ASB3: variants seen among roughly 807,000 people sequenced by gnomAD.
ASB3 encodes the protein ankyrin repeat and SOCS box containing 3.
ASB3 carries 41 observed loss-of-function variants against 54.5 expected under a neutral mutation model. That is an observed-to-expected ratio of 0.75 (90% confidence interval 0.59 to 0.98). The LOEUF (loss-of-function observed/expected upper bound fraction) is 0.98. ASB3 is among the 50% of genes least tolerant of loss of function. The pLI, the probability that ASB3 is intolerant of heterozygous loss-of-function variation, is 0.00. For synonymous variants in ASB3, 266 were observed against 221.2 expected (o/e 1.20, Z -1.80); for missense variants, 733 against 620.0 (o/e 1.18, Z -1.94).
At chr2:53,745,062 C>G (rs1672150812) in intron 3 of ASB3, among the ~76,000 whole-genome samples, 1 of 152,172 alleles carries the variant, frequency 6.6e-6, no homozygotes, top group African/African-American at 2.4e-5. Flanking sequence ...TCCAATTTAG[C>G]AATGTTTTCT....
intron 9 of ASB3, among the ~76,000 whole-genome samples, chr2:53,677,015 C>T (rs572950014): frequency 4.6e-5 from 7 of 152,174 alleles, no homozygotes; most frequent in South Asian, 4.2e-4. Context: ...GTGATCCACC[C>T]GCCTCAGCCT....
intron 9 of ASB3, among the ~76,000 whole-genome samples, chr2:53,680,792 C>G (rs540785981): frequency 6.6e-6 from 1 of 152,234 alleles, no homozygotes. Flanking sequence ...CTTAGACACT[C>G]TATTGTGATA....
At chr2:53,750,307 A>G (rs973837336) in intron 3 of ASB3, among the ~76,000 whole-genome samples, 1 of 152,166 alleles carries the variant, frequency 6.6e-6, no homozygotes, top group Admixed American at 6.5e-5. Flanking sequence ...AGGAATTAAA[A>G]AACAGTCTGT....
Position 53,765,593 on chromosome 2 carries a change from A to G in ASB3, c.-13-8T>C. On this transcript the variant is annotated splice_polypyrimidine_tract_variant and splice_region_variant and intron_variant, in intron 1 of 9. Coordinates refer to ENST00000263634, the MANE Select transcript of ASB3 (RefSeq NM_016115.5). Reference sequence around the variant, plus strand: ...TCCATTTGTTTGACCAGTCTACAAAACAAGGTAGAAGGATAATACTATAGT... The same window carrying G: ...TCCATTTGTTTGACCAGTCTACAAAGCAAGGTAGAAGGATAATACTATAGT... 2 of 1,614,174 alleles carry G rather than the reference A, an allele frequency of 1.2e-6. No individual in the cohort carries two copies. Among genetic ancestry groups the G allele is most frequent in the Admixed American group, 1.7e-5 (1 of 60,028 alleles).
At chr2:53,780,072 C>G (rs1481047428) in intron 1 of ASB3, among the ~76,000 whole-genome samples, 2 of 152,124 alleles carry the variant, frequency 1.3e-5, no homozygotes, top group African/African-American at 4.8e-5. Flanking sequence ...TTCTTGTTTC[C>G]AATCTCTTTT....
chr2:53,738,131 A>C lies in ASB3; in HGVS notation c.356-8561T>G, dbSNP rs142972999. 3.2e-3 allele frequency among the ~76,000 whole-genome samples: 486 copies of C among 152,326 alleles called. 3 individuals are homozygous for C. Among genetic ancestry groups the C allele is most frequent in the African/African-American group, 0.011 (437 of 41,568 alleles). On this transcript the variant is annotated intron_variant, in intron 3 of 9. Coordinates refer to ENST00000263634, the MANE Select transcript of ASB3 (RefSeq NM_016115.5). ...CATGATATCAGGAACTAAGCCTGAT[A>C]GTGTAGAGGCCTGATAATCACCTAA...
intron 5 of ASB3, among the ~76,000 whole-genome samples, chr2:53,723,480 C>A (rs1670822257): frequency 6.6e-6 from 1 of 152,100 alleles, no homozygotes; most frequent in Non-Finnish European, 1.5e-5. Context: ...ATCCCTCACC[C>A]CCTTCCCATC....
chr2:53,727,836 A>G (rs557483850), intron 5 of ASB3, among the ~76,000 whole-genome samples: 15 of 151,930 alleles, frequency 9.9e-5, no homozygotes, highest in Admixed American at 2.0e-4. Context: ...AGCAATTCTC[A>G]TGTCTCAGCT....
intron 8 of ASB3, among the ~76,000 whole-genome samples, chr2:53,698,401 C>T (rs1308314490): frequency 6.6e-6 from 1 of 152,206 alleles, no homozygotes; most frequent in South Asian, 2.1e-4. Flanking sequence ...TTCTTTTCCA[C>T]ACAGCCAGGC....
chr2:53,673,272 A>G (rs1667912402), intron 9 of ASB3, among the ~76,000 whole-genome samples: 1 of 152,204 alleles, frequency 6.6e-6, no homozygotes, highest in South Asian at 2.1e-4. Context: ...TACTTACTAC[A>G]CAACCAGAAG....
intron 3 of ASB3, among the ~76,000 whole-genome samples, chr2:53,743,332 A>T (rs1171632407): frequency 6.6e-6 from 1 of 151,842 alleles, no homozygotes; most frequent in East Asian, 1.9e-4. Context: ...ACATGTAAAA[A>T]CTCAGGGAAT....
chr2:53,758,962 C>G (rs1672990131), intron 2 of ASB3, among the ~76,000 whole-genome samples: 2 of 152,198 alleles, frequency 1.3e-5, no homozygotes, highest in Admixed American at 1.3e-4. Flanking sequence ...TCAGATAACC[C>G]TGATGGCTAT....
intron 8 of ASB3, among the ~76,000 whole-genome samples, chr2:53,695,597 A>T (rs941410994): frequency 6.6e-6 from 1 of 152,126 alleles, no homozygotes; most frequent in Non-Finnish European, 1.5e-5. Flanking sequence ...ATGACAAGTA[A>T]ATCTGTTTGC....
Position 53,679,573 on chromosome 2 carries a change from A to G in ASB3, c.1370-8883T>C, listed in dbSNP as rs76182545. Among the ~76,000 whole-genome samples the G allele has an allele frequency of 3.2e-3, 489 of 152,188 alleles. 3 individuals are homozygous for G. The highest frequency in any genetic ancestry group is 0.011 in the African/African-American group (437 of 41,544). ...TTTCATTACACAAATTATCCCTTTTATCTCTGAATCTTTGATGTCGTTTTA... is the reference window on the plus strand; with the variant it reads ...TTTCATTACACAAATTATCCCTTTTGTCTCTGAATCTTTGATGTCGTTTTA... On this transcript the variant is annotated intron_variant, in intron 9 of 9. Transcript: ENST00000263634.
intron 1 of ASB3, among the ~76,000 whole-genome samples, chr2:53,783,168 C>A (rs1476826997): frequency 6.6e-6 from 1 of 151,782 alleles, no homozygotes. Context: ...GGGAATGGGA[C>A]ATAAATATTT....
chr2:53,714,340 C>G, intron 7 of ASB3, 44 bp downstream of exon 7: 3 of 1,601,184 alleles, frequency 1.9e-6, no homozygotes, highest in Non-Finnish European at 1.7e-6. Flanking sequence ...CATCTCCATA[C>G]AGCAAAAAAG....
At position 53,742,802 on chromosome 2, in the gene ASB3, T is replaced by A. The variant is rs529564145; in HGVS notation, c.355+7981A>T. 2.7e-5 allele frequency among the ~76,000 whole-genome samples: 4 copies of A among 150,000 alleles called. No individual in the cohort carries two copies. The South Asian group carries it at 8.5e-4, about 32-fold the overall frequency. On this transcript the variant is annotated intron_variant, in intron 3 of 9. Coordinates refer to ENST00000263634, the MANE Select transcript of ASB3 (RefSeq NM_016115.5). Reference sequence around the variant, plus strand: ...AAAATAGAGAAAAAACAATAGACATTGAAAACAGATAAGATACCAACATGT... The same window carrying A: ...AAAATAGAGAAAAAACAATAGACATAGAAAACAGATAAGATACCAACATGT...
intron 9 of ASB3, among the ~76,000 whole-genome samples, chr2:53,690,577 G>A (rs1272883248): frequency 6.6e-6 from 1 of 152,030 alleles, no homozygotes; most frequent in African/African-American, 2.4e-5. Context: ...TTTATCTTAT[G>A]AACCCAGTCA....
chr2:53,772,202 TCTAGCTCTGTCGCCCAGG>T (rs1464952886), intron 1 of ASB3, among the ~76,000 whole-genome samples: 3 of 151,766 alleles, frequency 2.0e-5, no homozygotes, highest in Non-Finnish European at 4.4e-5. Flanking sequence ...TGAGACAGAG[TCTAGCTCTGTCGCCCAGG>T]CTGGAGTGCA....
Sources: gnomAD v4.1 joint callset for allele counts (sites outside exome capture counted in the v4.1 genomes callset) on GRCh38, gnomAD v4.1.1 for gene constraint, MANE v1.5 for transcripts, NCBI Gene and HGNC (gene_info 2026-07-23, HGNC 2026-07-21) for gene names.